Variants in APP observed in about 807,000 individuals in gnomAD.
APP encodes the protein amyloid-beta precursor protein.
APP carries 31 observed loss-of-function variants against 101.4 expected under a neutral mutation model. The ratio of observed to expected loss-of-function variants is 0.31; its 90% CI spans 0.23 to 0.41. The LOEUF is 0.41. Among genes scored for constraint, APP ranks in the 10% least tolerant of loss-of-function variants. The pLI, the probability that APP is intolerant of heterozygous loss-of-function variation, is 1.00. For synonymous variants in APP, 366 were observed against 364.4 expected, an observed-to-expected ratio of 1.00 and a Z score of -0.05; for missense variants, 839 against 1,003.7, an observed-to-expected ratio of 0.84 and a Z score of 2.22.
intron 3 of APP, among the ~76,000 whole-genome samples, chr21:26,072,613 C>A (rs562322675): frequency 3.3e-5 from 5 of 151,938 alleles, no homozygotes; most frequent in Non-Finnish European, 7.4e-5. Context: ...TTGATTCTTA[C>A]ATACTAGTTG....
chr21:26,083,618 T>C (rs979830746), intron 3 of APP, among the ~76,000 whole-genome samples: 1 of 152,254 alleles, frequency 6.6e-6, no homozygotes, highest in South Asian at 2.1e-4. Context: ...ATTCTTAGCA[T>C]GTACTACAAA....
At chr21:26,090,134 T>C (rs1158772337) in intron 2 of APP, 62 bp from the exon 3 acceptor site, 4 of 1,606,644 alleles carry the variant, frequency 2.5e-6, no homozygotes, top group Non-Finnish European at 2.6e-6. Flanking sequence ...TTTACAAGCA[T>C]CTAACAAGCC....
chr21:25,911,714 G>C (rs201646516), intron 14 of APP, 27 bp downstream of exon 14: 68 of 1,597,024 alleles, frequency 4.3e-5, no homozygotes, highest in Non-Finnish European at 5.5e-5. Flanking sequence ...CTCCCAGAAC[G>C]CCCTTGCTGG....
intron 15 of APP, chr21:25,897,888 G>C (rs982877201): frequency 3.1e-5 from 18 of 571,994 alleles, no homozygotes; most frequent in Non-Finnish European, 4.0e-5. Context: ...AGGGAAACCT[G>C]AAAGTAAGGC....
intron 10 of APP, 132 bp downstream of exon 10, chr21:25,975,822 A>C: frequency 1.3e-6 from 1 of 750,884 alleles, no homozygotes; most frequent in South Asian, 1.5e-5. Flanking sequence ...GACAATGATT[A>C]AGAACAGCTG....
rs1276984755 is a variant in APP, at chr21:26,092,429, C to T, written c.226-2357G>A. The stretch of plus-strand genomic sequence containing the variant: ...GAAGCCCATCTGAATAGGCTCCATA[C>T]TATATGACATTCTTCCCACTATATG... On this transcript the variant is annotated intron_variant, in intron 2 of 17. Coordinates refer to ENST00000346798, the MANE Select transcript of APP (RefSeq NM_000484.4). Among the ~76,000 whole-genome samples the T allele has an allele frequency of 2.0e-5, 3 of 152,288 alleles. 1 individual carries two copies. The highest frequency in any genetic ancestry group is 3.4e-3 in the Middle Eastern group (1 of 294).
At chr21:26,043,606 T>G (rs1219482832) in intron 5 of APP, among the ~76,000 whole-genome samples, 2 of 152,244 alleles carry the variant, frequency 1.3e-5, no homozygotes, top group Non-Finnish European at 2.9e-5. Context: ...CGTAGGTGTA[T>G]GTGTTTGATG....
At chr21:26,063,218 T>G (rs1165170453) in intron 3 of APP, among the ~76,000 whole-genome samples, 1 of 152,234 alleles carries the variant, frequency 6.6e-6, no homozygotes, top group Admixed American at 6.5e-5. Flanking sequence ...CCGGATGAAC[T>G]TGTATTTAGC....
At chr21:25,953,977 T>C (rs1028958261) in intron 13 of APP, among the ~76,000 whole-genome samples, 1 of 152,216 alleles carries the variant, frequency 6.6e-6, no homozygotes, top group South Asian at 2.1e-4. Context: ...TATTTCAGAA[T>C]ATAAGTTTAA....
intron 5 of APP, among the ~76,000 whole-genome samples, chr21:26,049,376 T>C (rs531049372): frequency 6.1e-4 from 93 of 152,298 alleles, no homozygotes; most frequent in African/African-American, 2.2e-3. Context: ...AGGTACCATG[T>C]TGCAGAAATT....
chr21:26,063,138 T>C (rs750522677), intron 3 of APP, among the ~76,000 whole-genome samples: 24 of 151,970 alleles, frequency 1.6e-4, no homozygotes, highest in Non-Finnish European at 2.6e-4. Context: ...GTGGATGGAG[T>C]GAGAATTTAT....
At chr21:25,986,049 G>T (rs888809322) in intron 8 of APP, among the ~76,000 whole-genome samples, 1 of 152,162 alleles carries the variant, frequency 6.6e-6, no homozygotes, top group Admixed American at 6.5e-5. Flanking sequence ...TCTATTTCGT[G>T]AATATCCTTA....
rs550872070 is a variant in APP at position 25,958,884 on chromosome 21, C to A, written c.1459-3129G>T. Among the ~76,000 whole-genome samples the A allele has an allele frequency of 8.9e-4, 135 of 152,270 alleles. 6 individuals carry two copies. Among genetic ancestry groups the A allele is most frequent in the Admixed American group, 8.8e-3 (135 of 15,290 alleles). On this transcript the variant is annotated intron_variant, in intron 11 of 17. Coordinates refer to ENST00000346798, the MANE Select transcript of APP (RefSeq NM_000484.4). ...TTTTGCTGGTAACTCATCAAATCTT[C>A]GTCTCAGCCCTATGACAGAGTCATA...
chr21:26,006,553 G>A (rs977285109), intron 6 of APP, among the ~76,000 whole-genome samples: 5 of 152,146 alleles, frequency 3.3e-5, no homozygotes, highest in Admixed American at 1.3e-4. Flanking sequence ...CAGAATCTAA[G>A]CCAGAGCTCC....
chr21:26,000,099 C>T lies in APP; in HGVS notation c.949G>A (p.Ala317Thr), dbSNP rs754679397. Residue 317 changes from alanine to threonine, a missense_variant, in exon 7 of 18, where the codon GCC becomes ACC. Transcript: ENST00000346798. ...CCACATCCGCCGTAAAAGAATGGGG[C>T]ACACTTCCCTTCAGTCACATCAAAG... ...WYFDVTEGKC[A>T]PFFYGGCGGN... 4.3e-6 allele frequency: 7 copies of T among 1,614,088 alleles called. No individual in the cohort carries two copies. The South Asian group carries it at 6.6e-5, about 15-fold the overall frequency.
intron 13 of APP, among the ~76,000 whole-genome samples, chr21:25,916,106 G>A (rs931184066): frequency 5.3e-5 from 8 of 152,128 alleles, no homozygotes; most frequent in African/African-American, 1.9e-4. Context: ...CTGGGTTCAA[G>A]CGATTCTCCT....
At chr21:26,076,319 A>G (rs1254010407) in intron 3 of APP, among the ~76,000 whole-genome samples, 1 of 152,084 alleles carries the variant, frequency 6.6e-6, no homozygotes, top group Non-Finnish European at 1.5e-5. Flanking sequence ...CCATCTCCCT[A>G]CCTCCTATGC....
At chr21:26,021,300 G>A (rs368987081) in intron 6 of APP, among the ~76,000 whole-genome samples, 5 of 151,866 alleles carry the variant, frequency 3.3e-5, no homozygotes, top group East Asian at 1.9e-4. Flanking sequence ...CGCCTGCCTC[G>A]GCCTCCCAAA....
At chr21:26,084,852 ATGTATAAAG>A in intron 3 of APP, among the ~76,000 whole-genome samples, 1 of 152,202 alleles carries the variant, frequency 6.6e-6, no homozygotes, top group East Asian at 1.9e-4. Flanking sequence ...CCCATACTGT[ATGTATAAAG>A]CTCATAAAGT....
Sources: allele counts gnomAD v4.1 joint callset (sites outside exome capture counted in the v4.1 genomes callset), GRCh38; gene constraint gnomAD v4.1.1; transcripts MANE v1.5; gene names NCBI Gene and HGNC (gene_info 2026-07-23, HGNC 2026-07-21).